Variants in TIAM1 observed in about 807,000 individuals in gnomAD.
TIAM1 encodes the protein TIAM Rac1 associated GEF 1.
A neutral mutation model predicts 163.5 loss-of-function variants in TIAM1; 65 were observed. The ratio of observed to expected loss-of-function variants is 0.40; its 90% confidence interval spans 0.33 to 0.49. The LOEUF (loss-of-function observed/expected upper bound fraction) is 0.49. TIAM1 is among the 20% of genes least tolerant of loss of function. TIAM1 has a pLI of 0.77. For missense variants in TIAM1, 1,789 were observed against 2,044.7 expected, an observed-to-expected ratio of 0.87 and a Z score of 2.41; for synonymous variants, 833 against 810.1, an observed-to-expected ratio of 1.03 and a Z score of -0.48.
intron 2 of TIAM1, among the ~76,000 whole-genome samples, chr21:31,463,059 T>C (rs1037538938): frequency 6.6e-6 from 1 of 151,828 alleles, no homozygotes; most frequent in African/African-American, 2.4e-5. Context: ...TGCCTCTTCT[T>C]ATGTCTAGCA....
chr21:31,509,526 C>T (rs2047141662), intron 1 of TIAM1, among the ~76,000 whole-genome samples: 1 of 152,180 alleles, frequency 6.6e-6, no homozygotes, highest in Non-Finnish European at 1.5e-5. Context: ...ACACAAACAC[C>T]CACACCCAGG....
At chr21:31,451,897 T>C (rs1308664682) in intron 2 of TIAM1, among the ~76,000 whole-genome samples, 2 of 151,706 alleles carry the variant, frequency 1.3e-5, no homozygotes, top group Non-Finnish European at 2.9e-5. Flanking sequence ...ATACTGAAAA[T>C]GACAAAGAAA....
chr21:31,213,358 T>A, intron 10 of TIAM1, 40 bp downstream of exon 10: 2 of 1,566,126 alleles, frequency 1.3e-6, no homozygotes, highest in Non-Finnish European at 8.7e-7. Context: ...TTGATGCACT[T>A]GTGGTACTTT....
At chr21:31,263,736 A>C (rs932174052) in intron 4 of TIAM1, among the ~76,000 whole-genome samples, 1 of 152,178 alleles carries the variant, frequency 6.6e-6, no homozygotes, top group Non-Finnish European at 1.5e-5. Context: ...GTTCAGGTAG[A>C]AATGAAAGTC....
chr21:31,242,794 A>G (rs1255648626), intron 6 of TIAM1, among the ~76,000 whole-genome samples: 2 of 151,366 alleles, frequency 1.3e-5, no homozygotes, highest in Non-Finnish European at 2.9e-5. Context: ...CCTGTCTCAG[A>G]AAAGTCAGAT....
rs764051558 is a variant in TIAM1, at chr21:31,154,376, G to A, written c.3042C>T (p.Pro1014=). The change falls in exon 17 of 28, where the codon CCC becomes CCT. Residue 1014 remains proline, a synonymous_variant. Coordinates refer to ENST00000541036, the MANE Select transcript of TIAM1 (RefSeq NM_001353694.2). The part of the protein sequence containing the change: ...AFCRSLHEMN[P]SDQSPSPQDS... ...CCTGAGGAGATGGGCTCTGGTCAGA[G>A]GGGTTCATCTCATGCAAACTGCGGC... is the stretch of plus-strand genomic sequence containing the variant. 6.2e-7 allele frequency: 1 copy of A among 1,614,158 alleles called. No homozygotes were observed. Among genetic ancestry groups the A allele is most frequent in the Non-Finnish European group, 8.5e-7 (1 of 1,180,030 alleles).
At chr21:31,388,841 T>A in intron 2 of TIAM1, among the ~76,000 whole-genome samples, 1 of 152,184 alleles carries the variant, frequency 6.6e-6, no homozygotes, top group East Asian at 1.9e-4. Context: ...AGCAAAAGCA[T>A]TACCTATCAC....
At chr21:31,350,644 CAT>C (rs1312174143) in intron 2 of TIAM1, among the ~76,000 whole-genome samples, 2 of 152,192 alleles carry the variant, frequency 1.3e-5, no homozygotes, top group Non-Finnish European at 2.9e-5. Flanking sequence ...TGGCACGTGA[CAT>C]GTCTGCTCCT....
chr21:31,525,146 G>A (rs2047734670), intron 1 of TIAM1, among the ~76,000 whole-genome samples: 2 of 152,112 alleles, frequency 1.3e-5, no homozygotes, highest in South Asian at 2.1e-4. Context: ...TTGGGAGGCC[G>A]ATCACCTGAG....
intron 1 of TIAM1, among the ~76,000 whole-genome samples, chr21:31,508,995 C>T (rs2147466708): frequency 6.6e-6 from 1 of 152,266 alleles, no homozygotes; most frequent in South Asian, 2.1e-4. Context: ...AATGCCTCCA[C>T]CCCCATGTCT....
At position 31,439,873 on chromosome 21, in the gene TIAM1, G is replaced by A. The variant is rs933169181; in HGVS notation, c.-369+24110C>T. Among the ~76,000 whole-genome samples, 6 of 152,150 alleles carry A rather than the reference G, an allele frequency of 3.9e-5. No individual in the cohort carries two copies. The South Asian group carries it at 1.0e-3, about 26-fold the overall frequency. On this transcript the variant is annotated intron_variant, in intron 2 of 28. Transcript: ENST00000286827. ...TTTAAAAAAGAGGGAGGGGTCTCTCGAAGAACCACTGGTTGTCTAAGAATA... is the reference window on the plus strand; with the variant it reads ...TTTAAAAAAGAGGGAGGGGTCTCTCAAAGAACCACTGGTTGTCTAAGAATA...
At chr21:31,220,802 C>T (rs966523035) in intron 8 of TIAM1, among the ~76,000 whole-genome samples, 1 of 152,212 alleles carries the variant, frequency 6.6e-6, no homozygotes, top group African/African-American at 2.4e-5. Context: ...TCCCAATGAT[C>T]TTTGCCCAGA....
At chr21:31,418,695 G>A (rs539839957) in intron 2 of TIAM1, among the ~76,000 whole-genome samples, 1 of 152,268 alleles carries the variant, frequency 6.6e-6, no homozygotes, top group African/African-American at 2.4e-5. Flanking sequence ...AAATGAAAAG[G>A]AGACTGAGAG....
At chr21:31,448,607 A>AT (rs1278801239) in intron 2 of TIAM1, among the ~76,000 whole-genome samples, 5 of 77,442 alleles carry the variant, frequency 6.5e-5, no homozygotes, top group South Asian at 6.8e-4. Context: ...CTCCATCTCA[A>AT]TTAAAAAAAA....
At chr21:31,325,722 T>C (rs2075465275) in intron 2 of TIAM1, among the ~76,000 whole-genome samples, 2 of 149,602 alleles carry the variant, frequency 1.3e-5, no homozygotes, top group South Asian at 4.2e-4. Context: ...ATAACATAAA[T>C]ATTCATCATG....
intron 6 of TIAM1, among the ~76,000 whole-genome samples, chr21:31,242,860 C>CA (rs11417948): frequency 0.55 from 51,727 of 94,726 alleles, 14,400 homozygotes; most frequent in Non-Finnish European, 0.66. Context: ...GACTCTGTCT[C>CA]AAAAAAAAAA....
chr21:31,519,305 C>CAA (rs369132676), intron 1 of TIAM1, among the ~76,000 whole-genome samples: 158 of 52,944 alleles, frequency 3.0e-3, no homozygotes, highest in Admixed American at 4.9e-3. Context: ...AACTCTGTCT[C>CAA]AAAAAAAAAA....
intron 2 of TIAM1, among the ~76,000 whole-genome samples, chr21:31,427,474 G>A (rs113732812): frequency 0.019 from 2,878 of 150,030 alleles, 78 homozygotes; most frequent in African/African-American, 0.065. Context: ...GGGACAGAGC[G>A]AGACTCTGTC....
chr21:31,459,038 G>C (rs999879938), intron 2 of TIAM1, among the ~76,000 whole-genome samples: 6 of 152,190 alleles, frequency 3.9e-5, no homozygotes, highest in Non-Finnish European at 7.3e-5. Context: ...AGTCCCAGCA[G>C]AAAGTCTAGC....
Sources: gnomAD v4.1 joint callset for allele counts (sites outside exome capture counted in the v4.1 genomes callset) on GRCh38, gnomAD v4.1.1 for gene constraint, MANE v1.5 for transcripts, NCBI Gene and HGNC (gene_info 2026-07-23, HGNC 2026-07-21) for gene names.